RYR2: variants seen among roughly 807,000 people sequenced by gnomAD.
RYR2 encodes cardiac muscle ryanodine receptor-calcium release channel.
A neutral mutation model predicts 601.1 loss-of-function variants in RYR2; 227 were observed. The ratio of observed to expected loss-of-function variants is 0.38; its 90% CI spans 0.34 to 0.42. The LOEUF (loss-of-function observed/expected upper bound fraction) is 0.42, where lower values mean the gene tolerates loss of function less well. Ranked by LOEUF, RYR2 falls within the 10% of genes least tolerant of loss-of-function variation. The probability of loss-of-function intolerance (pLI) is 1.00; values close to 1 mark genes in which losing one functional copy is unlikely to be tolerated. For synonymous variants in RYR2, 2,223 were observed against 2,175.1 expected (o/e 1.02, Z -0.61); for missense variants, 4,646 against 6,156.5 (o/e 0.75, Z 8.21).
At chr1:237,794,325 A>AGT (rs1300355116) in intron 95 of RYR2, among the ~76,000 whole-genome samples, 4 of 74,588 alleles carry the variant, frequency 5.4e-5, no homozygotes, top group East Asian at 2.3e-3. Flanking sequence ...CTCATCCAAA[A>AGT]GCAGAGGCAA....
chr1:237,397,304 T>G (rs2149905355), intron 10 of RYR2, among the ~76,000 whole-genome samples: 1 of 150,876 alleles, frequency 6.6e-6, no homozygotes, highest in African/African-American at 2.4e-5. Context: ...ATCTATGAAA[T>G]ATTTTACAGA....
chr1:237,136,670 A>G (rs1343855104), intron 1 of RYR2, among the ~76,000 whole-genome samples: 2 of 152,196 alleles, frequency 1.3e-5, no homozygotes, highest in Non-Finnish European at 2.9e-5. Context: ...ACAATGGGAA[A>G]GCAAAGTTAT....
At position 237,538,416 on chromosome 1, in the gene RYR2, A is replaced by AAG. The variant is rs1201226428; in HGVS notation, c.2906+7907_2906+7908insGA. Among the ~76,000 whole-genome samples the AAG allele has an allele frequency of 4.3e-4, 64 of 147,678 alleles. 1 individual carries two copies. Among genetic ancestry groups the AAG allele is most frequent in the East Asian group, 3.3e-3 (16 of 4,916 alleles). On this transcript the variant is annotated intron_variant, in intron 25 of 104. Coordinates refer to ENST00000366574, the MANE Select transcript of RYR2 (RefSeq NM_001035.3). Reference sequence around the variant, plus strand: ...TCTCAAAAAAAAAAAAAAAAAAAAAAAAAAAAAAAAAGGGAAGATGGTATT... The same window carrying AAG: ...TCTCAAAAAAAAAAAAAAAAAAAAAAAGAAAAAAAAAAAGGGAAGATGGTATT...
intron 80 of RYR2, among the ~76,000 whole-genome samples, 195 bp from the exon 81 acceptor site, chr1:237,756,093 G>A (rs1692929482): frequency 8.7e-6 from 1 of 114,588 alleles, no homozygotes. Context: ...AACATATCAA[G>A]AAAACTATAA....
At chr1:237,688,841 G>T (rs10925494) in intron 63 of RYR2, among the ~76,000 whole-genome samples, 69,253 of 151,972 alleles carry the variant, frequency 0.46, 18,446 homozygotes, top group East Asian at 0.64. Context: ...TTATTAATGA[G>T]CATAATAATA....
In RYR2 at chr1:237,436,454, C is replaced by CTTTTTTTTTTTTTTTTTTTTTTT. The variant is rs551140501; in HGVS notation, c.1006-4863_1006-4841dup. 3.1e-3 allele frequency among the ~76,000 whole-genome samples: 153 copies of CTTTTTTTTTTTTTTTTTTTTTTT among 48,702 alleles called. 14 individuals carry two copies. The highest frequency in any genetic ancestry group is 7.1e-3 in the East Asian group (9 of 1,264). The allele number at this position is 48,702 out of a possible 152,430, so 32.0% of individuals were successfully genotyped here. On this transcript the variant is annotated intron_variant, in intron 12 of 104. Transcript: ENST00000366574. ...AGCCGAGGGATAATGTGTGATTTTC[C>CTTTTTTTTTTTTTTTTTTTTTTT]TTTTTTTTTTTTTTTTTTTTTTTTG... is the stretch of plus-strand genomic sequence containing the variant.
At chr1:237,816,267 G>C (rs1661812924) in intron 100 of RYR2, among the ~76,000 whole-genome samples, 1 of 152,184 alleles carries the variant, frequency 6.6e-6, no homozygotes, top group East Asian at 1.9e-4. Context: ...AGCTACTTGT[G>C]AAGTCAGAGA....
chr1:237,588,944 A>G (rs1309514517), intron 29 of RYR2, among the ~76,000 whole-genome samples: 4 of 152,182 alleles, frequency 2.6e-5, no homozygotes, highest in Non-Finnish European at 5.9e-5. Context: ...TTGTCTTGCC[A>G]ATCAATTCCA....
At chr1:237,817,159 A>G (rs1034487422) in intron 100 of RYR2, among the ~76,000 whole-genome samples, 2 of 152,122 alleles carry the variant, frequency 1.3e-5, no homozygotes, top group South Asian at 2.1e-4. Context: ...AATGTGCCCA[A>G]TCTCATCCTT....
chr1:237,364,321 A>G (rs376013078), intron 4 of RYR2, 37 bp from the exon 5 acceptor site: 11 of 1,560,956 alleles, frequency 7.0e-6, no homozygotes, highest in Non-Finnish European at 9.6e-6. Flanking sequence ...GATCGTGTCT[A>G]TTTAATGTTT....
chr1:237,466,452 C>A (rs1660096167), intron 16 of RYR2, among the ~76,000 whole-genome samples: 1 of 152,096 alleles, frequency 6.6e-6, no homozygotes, highest in Non-Finnish European at 1.5e-5. Flanking sequence ...TAGGTATGAG[C>A]CACTACGCCT....
intron 1 of RYR2, among the ~76,000 whole-genome samples, chr1:237,176,470 G>A (rs1458920004): frequency 6.6e-6 from 1 of 151,336 alleles, no homozygotes; most frequent in African/African-American, 2.4e-5. Flanking sequence ...CACAAAAATG[G>A]CCAAAAGATG....
At chr1:237,407,275 C>G (rs1057329481) in intron 10 of RYR2, among the ~76,000 whole-genome samples, 3 of 152,134 alleles carry the variant, frequency 2.0e-5, no homozygotes, top group Non-Finnish European at 4.4e-5. Context: ...TATTTACATG[C>G]AAGTTTTGTA....
chr1:237,121,274 G>T (rs1408687360), intron 1 of RYR2, among the ~76,000 whole-genome samples: 1 of 152,092 alleles, frequency 6.6e-6, no homozygotes, highest in African/African-American at 2.4e-5. Context: ...CCTTACTTAG[G>T]CTTCTGATGA....
At chr1:237,218,197 G>A (rs1479839705) in intron 1 of RYR2, among the ~76,000 whole-genome samples, 1 of 152,134 alleles carries the variant, frequency 6.6e-6, no homozygotes, top group Admixed American at 6.5e-5. Flanking sequence ...TTTGATGGTG[G>A]ATAAATTAGG....
chr1:237,551,305 G>C (rs183811360), intron 27 of RYR2, among the ~76,000 whole-genome samples: 6 of 152,106 alleles, frequency 3.9e-5, no homozygotes, highest in Non-Finnish European at 7.4e-5. Flanking sequence ...TGAGGCAGGC[G>C]GATCACAAGG....
chr1:237,701,524 A>G (rs1045526859), intron 65 of RYR2, among the ~76,000 whole-genome samples: 5 of 145,428 alleles, frequency 3.4e-5, no homozygotes, highest in African/African-American at 8.4e-5. Context: ...GCAAGACTCT[A>G]TCTCAAAAAA....
At chr1:237,195,309 AATG>A (rs1339791050) in intron 1 of RYR2, among the ~76,000 whole-genome samples, 2 of 152,218 alleles carry the variant, frequency 1.3e-5, no homozygotes, top group Non-Finnish European at 2.9e-5. Context: ...ACTGGAGTGC[AATG>A]ATGTGATCTC....
chr1:237,138,135 G>A (rs548366317), intron 1 of RYR2, among the ~76,000 whole-genome samples: 37 of 152,222 alleles, frequency 2.4e-4, no homozygotes, highest in Admixed American at 7.9e-4. Context: ...GGGTTCAAGC[G>A]ATTCTCCTGC....
Sources: gnomAD v4.1 joint callset for allele counts (sites outside exome capture counted in the v4.1 genomes callset) on GRCh38, gnomAD v4.1.1 for gene constraint, MANE v1.5 for transcripts, NCBI Gene and HGNC (gene_info 2026-07-23, HGNC 2026-07-21) for gene names.